Variants in LIFR observed in about 807,000 individuals in gnomAD.
LIFR encodes leukemia inhibitory factor receptor.
LIFR carries 84 observed loss-of-function variants against 122.2 expected under a neutral mutation model. The ratio of observed to expected loss-of-function variants is 0.69; its 90% CI spans 0.58 to 0.82. LIFR has a LOEUF of 0.82. LIFR is among the 40% of genes least tolerant of loss of function. LIFR has a pLI of 0.00. For synonymous variants in LIFR, 422 were observed against 434.7 expected (o/e 0.97, Z 0.36); for missense variants, 1,294 against 1,311.6 (o/e 0.99, Z 0.21).
intron 1 of LIFR, among the ~76,000 whole-genome samples, chr5:38,541,235 A>G (rs969072346): frequency 6.6e-6 from 1 of 152,216 alleles, no homozygotes; most frequent in Non-Finnish European, 1.5e-5. Flanking sequence ...AATAACTGAT[A>G]TTTGGCAAAG....
At chr5:38,546,941 G>A (rs1359707009) in intron 1 of LIFR, among the ~76,000 whole-genome samples, 1 of 152,132 alleles carries the variant, frequency 6.6e-6, no homozygotes, top group Non-Finnish European at 1.5e-5. Flanking sequence ...AGTTGGCAAA[G>A]TCCTAAGTCT....
At chr5:38,519,709 T>A (rs1032443851) in intron 5 of LIFR, among the ~76,000 whole-genome samples, 1 of 152,200 alleles carries the variant, frequency 6.6e-6, no homozygotes, top group African/African-American at 2.4e-5. Flanking sequence ...CATGAGTGAG[T>A]GAGAACATAC....
At chr5:38,523,397 G>GA (rs762376679) in intron 5 of LIFR, 22 bp downstream of exon 5, 1 of 1,592,148 alleles carries the variant, frequency 6.3e-7, no homozygotes, top group South Asian at 1.1e-5. Context: ...GTCATAGGAA[G>GA]AAAATCTATG....
Position 38,478,853 on chromosome 5 carries a change from A to G in LIFR, c.*2742T>C, listed in dbSNP as rs935840084. ...TGGGCTTTCACTGAGGAAAAGAGGG[A>G]TTTCTCAATTATTTTCCCAGTTAGT... On this transcript the variant is annotated 3_prime_UTR_variant, in exon 20 of 20. Transcript: ENST00000453190. The G allele has an allele frequency of 4.4e-6, 1 of 225,266 alleles. No homozygotes were observed. The highest frequency in any genetic ancestry group is 2.2e-5 in the African/African-American group (1 of 44,824). The allele number at this position is 225,266 out of a possible 1,614,324, so 14.0% of individuals were successfully genotyped here.
At chr5:38,583,926 C>T (rs1309790165) in intron 1 of LIFR, among the ~76,000 whole-genome samples, 3 of 152,146 alleles carry the variant, frequency 2.0e-5, no homozygotes. Context: ...GGCTCTCATT[C>T]TGTCTTGCCT....
Position 38,485,831 on chromosome 5 carries a change from T to A in LIFR, c.2485A>T (p.Thr829Ser), listed in dbSNP as rs1744253884. 1 of 1,613,980 alleles carries A rather than the reference T, an allele frequency of 6.2e-7. No individual in the cohort carries two copies. Among genetic ancestry groups the A allele is most frequent in the Non-Finnish European group, 8.5e-7 (1 of 1,179,990 alleles). The change falls in exon 17 of 20, where the codon ACA becomes TCA. Residue 829 changes from threonine to serine, a missense_variant. Transcript: ENST00000453190. The part of the protein sequence containing the change: ...VGPEKSMYVV[T>S]KENSVGLIIA... ...ACCTGAAACTTACAATTTTCCTTTG[T>A]CACCACATACATACTCTTCTCCGGG... is the stretch of plus-strand genomic sequence containing the variant.
chr5:38,605,797 A>G (rs1750316217), intron 2 of LIFR, among the ~76,000 whole-genome samples: 1 of 152,144 alleles, frequency 6.6e-6, no homozygotes, highest in South Asian at 2.1e-4. Flanking sequence ...GATTGCAACC[A>G]TTTGTCTCTT....
At chr5:38,495,718 T>A (rs886815680) in intron 13 of LIFR, among the ~76,000 whole-genome samples, 2 of 152,110 alleles carry the variant, frequency 1.3e-5, no homozygotes, top group South Asian at 4.1e-4. Context: ...CAGAGGTCTG[T>A]GGAAGAAGAG....
chr5:38,526,352 A>G (rs1746679155), intron 4 of LIFR, among the ~76,000 whole-genome samples: 1 of 152,122 alleles, frequency 6.6e-6, no homozygotes, highest in African/African-American at 2.4e-5. Flanking sequence ...ATTTTAAGAA[A>G]TGCAGAAATT....
At chr5:38,511,529 T>G (rs572608755) in intron 6 of LIFR, among the ~76,000 whole-genome samples, 1 of 152,234 alleles carries the variant, frequency 6.6e-6, no homozygotes, top group South Asian at 2.1e-4. Flanking sequence ...CAATTTTTAA[T>G]GCTCTTCAAT....
At chr5:38,531,487 GA>G (rs984957550) in intron 1 of LIFR, among the ~76,000 whole-genome samples, 2 of 148,706 alleles carry the variant, frequency 1.3e-5, no homozygotes, top group African/African-American at 2.5e-5. Flanking sequence ...AAACTTAAAA[GA>G]AAAAAAAAGA....
intron 1 of LIFR, among the ~76,000 whole-genome samples, chr5:38,592,989 G>A (rs1942188931): frequency 6.6e-6 from 1 of 152,064 alleles, no homozygotes; most frequent in South Asian, 2.1e-4. Flanking sequence ...TAGATCACGA[G>A]GCCAGGAGTT....
At chr5:38,596,033 G>T (rs980101466), upstream of LIFR, among the ~76,000 whole-genome samples, 1 of 152,168 alleles carries the variant, frequency 6.6e-6, no homozygotes, top group Non-Finnish European at 1.5e-5. Flanking sequence ...ACCGCGCCCG[G>T]CCCACAATAG....
Position 38,481,667 on chromosome 5 carries a change from A to C in LIFR, c.3222T>G (p.Asp1074Glu). The C allele has an allele frequency of 6.2e-7, 1 of 1,614,156 alleles. No homozygotes were observed. The highest frequency in any genetic ancestry group is 1.1e-5 in the South Asian group (1 of 91,084). Residue 1074 changes from aspartate to glutamate, a missense_variant, in exon 20 of 20, where the codon GAT (aspartate) becomes GAG (glutamate). Coordinates refer to ENST00000453190, the MANE Select transcript of LIFR (RefSeq NM_001127671.2). ...CTCCATTAGATTTAGGAGAGTCTTC[A>C]TCTTTAGGAGGAATCAAAAATTGTC... ...NSRQFLIPPK[D>E]EDSPKSNGGG...
At chr5:38,569,665 T>G (rs1317325421) in intron 1 of LIFR, among the ~76,000 whole-genome samples, 1 of 152,188 alleles carries the variant, frequency 6.6e-6, no homozygotes, top group Non-Finnish European at 1.5e-5. Flanking sequence ...CCAGAAAGTT[T>G]GGGGACCGCT....
intron 1 of LIFR, among the ~76,000 whole-genome samples, chr5:38,589,563 T>TA (rs1048492488): frequency 6.6e-6 from 1 of 152,098 alleles, no homozygotes; most frequent in East Asian, 1.9e-4. Flanking sequence ...CCATCAAATT[T>TA]AAAAAAATGG....
chr5:38,563,071 G>A (rs1031304400), intron 1 of LIFR, among the ~76,000 whole-genome samples: 6 of 152,170 alleles, frequency 3.9e-5, no homozygotes, highest in African/African-American at 1.4e-4. Context: ...TGTGGATGGT[G>A]TTTCTACTGG....
chr5:38,493,661 G>A lies in LIFR; in HGVS notation c.2010C>T (p.Cys670=), dbSNP rs755322616. ...KWCNSSRSEP[C]LMDWRKVPSN... Reference sequence around the variant, plus strand: ...AGGGAACTTTTCTCCAGTCCATAAGGCATGGTTCCGACCGAGACGAGTTAC... The same window carrying A: ...AGGGAACTTTTCTCCAGTCCATAAGACATGGTTCCGACCGAGACGAGTTAC... The change falls in exon 14 of 20, where the codon TGC becomes TGT. Residue 670 remains cysteine, a synonymous_variant. Transcript: ENST00000453190. 1.1e-5 allele frequency: 17 copies of A among 1,613,976 alleles called. No homozygotes were observed. In the Admixed American group the frequency reaches 1.7e-4, roughly 16 times the overall value.
At chr5:38,539,929 G>A (rs1244466268) in intron 1 of LIFR, among the ~76,000 whole-genome samples, 1 of 152,026 alleles carries the variant, frequency 6.6e-6, no homozygotes, top group South Asian at 2.1e-4. Flanking sequence ...ATCCTATAAG[G>A]TCGGTATTAT....
Sources: gnomAD v4.1 joint callset for allele counts (sites outside exome capture counted in the v4.1 genomes callset) on GRCh38, gnomAD v4.1.1 for gene constraint, MANE v1.5 for transcripts, NCBI Gene and HGNC (gene_info 2026-07-23, HGNC 2026-07-21) for gene names.